Variants in PAK2 observed in about 807,000 individuals in gnomAD.
The protein encoded by PAK2 is serine/threonine-protein kinase PAK 2.
In PAK2, 21 loss-of-function variants were observed where a neutral mutation model predicts 65.9. The ratio of observed to expected loss-of-function variants is 0.32; its 90% confidence interval spans 0.23 to 0.46. The LOEUF is 0.46. PAK2 is among the 20% of genes least tolerant of loss of function. The probability of loss-of-function intolerance (pLI) is 1.00; values close to 1 mark genes in which losing one functional copy is unlikely to be tolerated. For missense variants in PAK2, 324 were observed against 642.6 expected, an observed-to-expected ratio of 0.50 and a Z score of 5.36; for synonymous variants, 204 against 219.7, an observed-to-expected ratio of 0.93 and a Z score of 0.63.
At chr3:196,789,934 C>T (rs1371956198) in intron 2 of PAK2, among the ~76,000 whole-genome samples, 2 of 152,216 alleles carry the variant, frequency 1.3e-5, no homozygotes, top group Non-Finnish European at 2.9e-5. Context: ...AATGCTGCCA[C>T]TGATCTGACA....
chr3:196,809,072 C>G (rs967497249), intron 7 of PAK2, among the ~76,000 whole-genome samples: 2 of 150,352 alleles, frequency 1.3e-5, no homozygotes, highest in African/African-American at 4.9e-5. Flanking sequence ...GACTCCACCC[C>G]CTCAAAAAAA....
At chr3:196,763,111 A>G (rs1273153617) in intron 1 of PAK2, among the ~76,000 whole-genome samples, 1 of 152,148 alleles carries the variant, frequency 6.6e-6, no homozygotes, top group Non-Finnish European at 1.5e-5. Flanking sequence ...CCCAGAGCTG[A>G]GATCCAGACC....
chr3:196,776,064 G>C (rs1266477353), intron 1 of PAK2, among the ~76,000 whole-genome samples: 1 of 152,226 alleles, frequency 6.6e-6, no homozygotes, highest in Non-Finnish European at 1.5e-5. Flanking sequence ...TTCTCAAAGT[G>C]TGGTCTGCAA....
At chr3:196,756,619 C>CTT (rs1713776663) in intron 1 of PAK2, among the ~76,000 whole-genome samples, 2 of 152,156 alleles carry the variant, frequency 1.3e-5, no homozygotes, top group African/African-American at 4.8e-5. Flanking sequence ...GGGAGGATCA[C>CTT]AAGGTCAGGA....
In PAK2 at chr3:196,811,386, C is replaced by CTT. The variant is rs745945503; in HGVS notation, c.773+753_773+754dup. Among the ~76,000 whole-genome samples the CTT allele has an allele frequency of 2.8e-4, 11 of 38,758 alleles. 3 individuals carry two copies. The highest frequency in any genetic ancestry group is 4.9e-4 in the African/African-American group (3 of 6,140). The allele number at this position is 38,758 out of a possible 152,430, so 25.4% of individuals were successfully genotyped here. A position where few individuals can be genotyped will look rare whatever the true frequency, so the allele number is the denominator to read the frequency against. On this transcript the variant is annotated intron_variant, in intron 8 of 14. Coordinates refer to ENST00000327134, the MANE Select transcript of PAK2 (RefSeq NM_002577.4). Reference sequence around the variant, plus strand: ...TCCCTTCCTTCTCTTCCTTCCTTCCCTTTTTTTTTTTTTTTTTTTTTGGCG... The same window carrying CTT: ...TCCCTTCCTTCTCTTCCTTCCTTCCCTTTTTTTTTTTTTTTTTTTTTTTGGCG...
intron 1 of PAK2, among the ~76,000 whole-genome samples, chr3:196,758,669 T>C (rs1713844267): frequency 6.6e-6 from 1 of 152,142 alleles, no homozygotes; most frequent in African/African-American, 2.4e-5. Flanking sequence ...GTTTATTTTA[T>C]TTTGAGAAAG....
At chr3:196,773,050 G>A (rs145064346) in intron 1 of PAK2, among the ~76,000 whole-genome samples, 70 of 152,224 alleles carry the variant, frequency 4.6e-4, no homozygotes, top group Middle Eastern at 6.8e-3. Context: ...TCCGCTGTTC[G>A]TTTCTGCTGT....
chr3:196,740,202 C>T (rs1172887119), intron 1 of PAK2, 45 bp downstream of exon 1: 2 of 152,138 alleles, frequency 1.3e-5, no homozygotes, highest in East Asian at 1.9e-4. Flanking sequence ...GGCCGGGTCT[C>T]TTCCTCCTCC....
rs1470545267 is a variant in PAK2, at chr3:196,820,200, G to T, written c.1154-171G>T. On this transcript the variant is annotated intron_variant, in intron 12 of 14. Coordinates refer to ENST00000327134, the MANE Select transcript of PAK2 (RefSeq NM_002577.4). The surrounding 1 kb of genome is among the most constrained non-coding windows in gnomAD (Gnocchi z 4.6). ...GCAAGTAAAAGTAAAATGTGAGAGT[G>T]TGTTACATCATGAAAATATTTTTAA... Among the ~76,000 whole-genome samples, 1 of 152,066 alleles carries T rather than the reference G, an allele frequency of 6.6e-6. No individual in the cohort carries two copies. The highest frequency in any genetic ancestry group is 1.9e-4 in the East Asian group (1 of 5,202).
At chr3:196,781,299 T>C (rs183274272) in intron 1 of PAK2, among the ~76,000 whole-genome samples, 2 of 152,314 alleles carry the variant, frequency 1.3e-5, no homozygotes, top group Admixed American at 1.3e-4. Context: ...TTTTCTAACA[T>C]ATGGTTTTGT....
intron 2 of PAK2, among the ~76,000 whole-genome samples, chr3:196,790,642 T>C (rs1715036267): frequency 6.6e-6 from 1 of 152,170 alleles, no homozygotes; most frequent in Admixed American, 6.5e-5. Context: ...CAATGACGGA[T>C]GAATAACTTA....
intron 1 of PAK2, among the ~76,000 whole-genome samples, chr3:196,767,526 T>A (rs1247459003): frequency 6.6e-6 from 1 of 152,196 alleles, no homozygotes; most frequent in Non-Finnish European, 1.5e-5. Context: ...TCTTGCTCTG[T>A]CACCCAGGCT....
rs754600033 is a variant in PAK2 at position 196,810,578 on chromosome 3, T to G, written c.710-12T>G. The G allele has an allele frequency of 1.3e-6, 2 of 1,489,302 alleles. No individual in the cohort carries two copies. The highest frequency in any genetic ancestry group is 2.8e-5 in the African/African-American group (2 of 72,348). The allele number at this position is 1,489,302 out of a possible 1,614,324, so 92.3% of individuals were successfully genotyped here. ...ATGCTTGACTGAGCTTCCAGCTTTT[T>G]GTTTATTCTAGGAACTATCGTGAGC... On this transcript the variant is annotated splice_polypyrimidine_tract_variant and intron_variant, in intron 7 of 14. Coordinates refer to ENST00000327134, the MANE Select transcript of PAK2 (RefSeq NM_002577.4).
At chr3:196,745,119 CTTTT>C (rs34651855) in intron 1 of PAK2, among the ~76,000 whole-genome samples, 1 of 135,550 alleles carries the variant, frequency 7.4e-6, no homozygotes. Context: ...GTGTTTCAAT[CTTTT>C]TTTTTTTTTT....
intron 1 of PAK2, among the ~76,000 whole-genome samples, chr3:196,750,131 C>T (rs1017162159): frequency 2.0e-5 from 3 of 151,778 alleles, no homozygotes; most frequent in Admixed American, 6.6e-5. Context: ...GGATTATAGG[C>T]GCCTGCCACC....
Position 196,811,204 on chromosome 3 carries a change from TTCCTTCCCTTCCC to T in PAK2, c.773+555_773+567del, listed in dbSNP as rs1560113495. ...ACTTCCATATGAATTCCTTCCTCCC[TTCCTTCCCTTCCC>T]TCCCTCCCTTCCCTTCCCTTCCTTC... On this transcript the variant is annotated intron_variant, in intron 8 of 14. Transcript: ENST00000327134. Among the ~76,000 whole-genome samples the T allele has an allele frequency of 1.0e-3, 46 of 46,040 alleles. 15 individuals carry two copies. Among genetic ancestry groups the T allele is most frequent in the African/African-American group, 2.0e-3 (24 of 11,922 alleles). 30.2% of individuals were successfully genotyped at this position (46,040 alleles called of 152,430 possible).
intron 1 of PAK2, among the ~76,000 whole-genome samples, chr3:196,744,971 T>C: frequency 6.6e-6 from 1 of 152,084 alleles, no homozygotes; most frequent in Non-Finnish European, 1.5e-5. Flanking sequence ...ACTTGTAATG[T>C]ATATTTCCTT....
intron 1 of PAK2, among the ~76,000 whole-genome samples, chr3:196,750,337 G>A (rs1713532541): frequency 6.6e-6 from 1 of 152,010 alleles, no homozygotes; most frequent in Non-Finnish European, 1.5e-5. Context: ...GGTTCACTCT[G>A]TTGCGCAGGC....
chr3:196,759,618 C>G (rs1713896977), intron 1 of PAK2, among the ~76,000 whole-genome samples: 1 of 147,750 alleles, frequency 6.8e-6, no homozygotes, highest in African/African-American at 2.5e-5. Flanking sequence ...CCTCTGCCTC[C>G]CAGGTTCAAG....
Sources: allele counts gnomAD v4.1 joint callset (sites outside exome capture counted in the v4.1 genomes callset), GRCh38; gene constraint gnomAD v4.1.1; non-coding constraint Gnocchi (gnomAD v3.1); transcripts MANE v1.5; gene names NCBI Gene and HGNC (gene_info 2026-07-23, HGNC 2026-07-21).